Variants in CPQ observed in about 807,000 individuals in gnomAD.
The protein encoded by CPQ is carboxypeptidase Q, also known as Ser-Met dipeptidase.
In CPQ, 37 loss-of-function variants were observed where a neutral mutation model predicts 45.7. That is an observed-to-expected ratio of 0.81 (90% confidence interval 0.62 to 1.07). The LOEUF is 1.07. CPQ is among the 50% of genes least tolerant of loss of function. CPQ has a pLI of 0.00. For synonymous variants in CPQ, 186 were observed against 205.8 expected, an observed-to-expected ratio of 0.90 and a Z score of 0.82; for missense variants, 537 against 572.9, an observed-to-expected ratio of 0.94 and a Z score of 0.64.
chr8:96,850,242 A>G (rs527466153), intron 3 of CPQ, among the ~76,000 whole-genome samples: 1 of 152,296 alleles, frequency 6.6e-6, no homozygotes, highest in Admixed American at 6.5e-5. Context: ...TGAAAAGGTA[A>G]GCTTTCCATG....
chr8:96,665,900 A>G (rs542198793), intron 1 of CPQ, among the ~76,000 whole-genome samples: 1 of 152,320 alleles, frequency 6.6e-6, no homozygotes, highest in East Asian at 1.9e-4. Flanking sequence ...TTATTCAGAT[A>G]TGGTGAGGCC....
At position 96,888,428 on chromosome 8, in the gene CPQ, G is replaced by GA. The variant is rs200887769; in HGVS notation, c.849+8431dup. Reference sequence around the variant, plus strand: ...CTTTATTAAAAAAATACTGAAAGATGAAAAAAAATACTTAAAGATGAAATT... The same window carrying GA: ...CTTTATTAAAAAAATACTGAAAGATGAAAAAAAAATACTTAAAGATGAAATT... On this transcript the variant is annotated intron_variant, in intron 4 of 7. Transcript: ENST00000220763. 2.0e-4 allele frequency among the ~76,000 whole-genome samples: 30 copies of GA among 151,870 alleles called. 1 individual carries two copies. The East Asian group carries it at 3.3e-3, about 17-fold the overall frequency.
At chr8:97,064,881 G>A (rs532862478) in intron 6 of CPQ, among the ~76,000 whole-genome samples, 16 of 152,214 alleles carry the variant, frequency 1.1e-4, no homozygotes, top group African/African-American at 2.9e-4. Flanking sequence ...CAGAGCCAGC[G>A]CTACCATTTG....
In CPQ at chr8:97,088,358, C is replaced by A. The variant is rs1811073402; in HGVS notation, c.1255+22148C>A. Reference sequence around the variant, plus strand: ...TTTTAAACATCTGTGTTCAAGATGACCATTTGGGAAAAGATTCATTGGCTT... The same window carrying A: ...TTTTAAACATCTGTGTTCAAGATGAACATTTGGGAAAAGATTCATTGGCTT... On this transcript the variant is annotated intron_variant, in intron 7 of 7. Transcript: ENST00000220763. Among the ~76,000 whole-genome samples the A allele has an allele frequency of 2.0e-5, 3 of 152,108 alleles. No homozygotes were observed. The South Asian group carries it at 6.2e-4, about 32-fold the overall frequency.
intron 7 of CPQ, among the ~76,000 whole-genome samples, chr8:97,067,269 A>G (rs530751046): frequency 2.0e-5 from 3 of 152,118 alleles, no homozygotes; most frequent in Admixed American, 1.3e-4. Flanking sequence ...CTACTTCACA[A>G]AGTTACCTAA....
intron 3 of CPQ, 48 bp downstream of exon 3, chr8:96,835,228 C>T (rs748718661): frequency 1.3e-5 from 18 of 1,362,622 alleles, no homozygotes; most frequent in Middle Eastern, 5.4e-4. Flanking sequence ...AAGGGTTTTC[C>T]GTGAAGGAAA....
At position 96,914,108 on chromosome 8, in the gene CPQ, A is replaced by G. The variant is rs146400763; in HGVS notation, c.849+34103A>G. On this transcript the variant is annotated intron_variant, in intron 4 of 7. Coordinates refer to ENST00000220763, the MANE Select transcript of CPQ (RefSeq NM_016134.4). ...TGGAGATACTGTCATTTTAAAATTAATCTGAAAAACATTTATTGAGTACTT... is the reference window on the plus strand; with the variant it reads ...TGGAGATACTGTCATTTTAAAATTAGTCTGAAAAACATTTATTGAGTACTT... Among the ~76,000 whole-genome samples the G allele has an allele frequency of 9.7e-4, 147 of 152,290 alleles. 1 individual carries two copies. The highest frequency in any genetic ancestry group is 3.5e-3 in the African/African-American group (144 of 41,550).
intron 3 of CPQ, among the ~76,000 whole-genome samples, chr8:96,855,550 C>T (rs1480458473): frequency 2.0e-5 from 3 of 152,170 alleles, no homozygotes; most frequent in African/African-American, 7.2e-5. Flanking sequence ...ATCACTTCCC[C>T]AGGGAGGCCT....
Position 96,756,249 on chromosome 8 carries a change from C to T in CPQ, c.-34-28615C>T, listed in dbSNP as rs183948689. 2.1e-3 allele frequency among the ~76,000 whole-genome samples: 318 copies of T among 152,094 alleles called. 1 individual carries two copies. Among genetic ancestry groups the T allele is most frequent in the Middle Eastern group, 6.8e-3 (2 of 292 alleles). ...TTTAAAAATACTTAAGCTTCAACTT[C>T]TTGATTCATCAACTTTAAACATTTT... On this transcript the variant is annotated intron_variant, in intron 1 of 7. Coordinates refer to ENST00000220763, the MANE Select transcript of CPQ (RefSeq NM_016134.4).
chr8:96,684,313 G>A (rs1809194726), intron 1 of CPQ, among the ~76,000 whole-genome samples: 1 of 152,220 alleles, frequency 6.6e-6, no homozygotes, highest in African/African-American at 2.4e-5. Flanking sequence ...TAGCATCAGT[G>A]TTTTCTCTGA....
intron 3 of CPQ, among the ~76,000 whole-genome samples, chr8:96,860,614 G>A (rs756046863): frequency 1.4e-4 from 22 of 152,068 alleles, no homozygotes; most frequent in Non-Finnish European, 2.6e-4. Flanking sequence ...TGGTGAACAT[G>A]GGGTGTGCAA....
intron 4 of CPQ, among the ~76,000 whole-genome samples, chr8:96,923,880 C>A (rs1812840222): frequency 6.6e-6 from 1 of 152,190 alleles, no homozygotes; most frequent in African/African-American, 2.4e-5. Context: ...GGGTTTAGTC[C>A]TGCTGGGAAT....
chr8:96,750,714 G>A (rs1350272115), intron 1 of CPQ, among the ~76,000 whole-genome samples: 1 of 151,354 alleles, frequency 6.6e-6, no homozygotes, highest in African/African-American at 2.4e-5. Flanking sequence ...GTGGTTTGCT[G>A]CACAGATCAA....
intron 7 of CPQ, among the ~76,000 whole-genome samples, chr8:97,078,775 C>CTT (rs1810895090): frequency 7.2e-6 from 1 of 138,378 alleles, no homozygotes; most frequent in Non-Finnish European, 1.5e-5. Context: ...CTCTCTCTCT[C>CTT]TCTCTCTCTC....
chr8:96,737,566 G>T (rs1440865921), intron 1 of CPQ, among the ~76,000 whole-genome samples: 1 of 151,794 alleles, frequency 6.6e-6, no homozygotes, highest in East Asian at 1.9e-4. Context: ...ACGTTTTTCT[G>T]CCTGCTTTAT....
In CPQ at chr8:96,863,459, A is replaced by G. The variant is rs113302217; in HGVS notation, c.642-16339A>G. Reference sequence around the variant, plus strand: ...CTGACCCTGGACTAAGTGTCTGCTTATACAGGTGAGGAGGCAATAGAGATA... The same window carrying G: ...CTGACCCTGGACTAAGTGTCTGCTTGTACAGGTGAGGAGGCAATAGAGATA... On this transcript the variant is annotated intron_variant, in intron 3 of 7. Transcript: ENST00000220763. Among the ~76,000 whole-genome samples, 1,191 of 152,134 alleles carry G rather than the reference A, an allele frequency of 7.8e-3. 12 individuals are homozygous for G. Among genetic ancestry groups the G allele is most frequent in the African/African-American group, 0.027 (1,112 of 41,524 alleles).
At chr8:96,816,227 G>C (rs982982689) in intron 2 of CPQ, among the ~76,000 whole-genome samples, 2 of 152,156 alleles carry the variant, frequency 1.3e-5, no homozygotes, top group African/African-American at 4.8e-5. Flanking sequence ...ATCCTTTGTT[G>C]TCATTTCAAC....
rs559942841 is a variant in CPQ at position 96,847,293 on chromosome 8, A to G, written c.641+12113A>G. 2.2e-4 allele frequency among the ~76,000 whole-genome samples: 33 copies of G among 152,346 alleles called. No individual in the cohort carries two copies. The South Asian group carries it at 5.2e-3, about 24-fold the overall frequency. On this transcript the variant is annotated intron_variant, in intron 3 of 7. Transcript: ENST00000220763. ...CCGTTGATGACCCCTGCCTGAATCA[A>G]TCATTGTACTGGAAGTTGCAAATGT...
At chr8:97,105,173 A>G (rs1177719776) in intron 7 of CPQ, among the ~76,000 whole-genome samples, 2 of 152,236 alleles carry the variant, frequency 1.3e-5, no homozygotes, top group African/African-American at 4.8e-5. Flanking sequence ...GGTATCACAC[A>G]GCACATGCTG....
Sources: allele counts gnomAD v4.1 joint callset (sites outside exome capture counted in the v4.1 genomes callset), GRCh38; gene constraint gnomAD v4.1.1; transcripts MANE v1.5; gene names NCBI Gene and HGNC (gene_info 2026-07-23, HGNC 2026-07-21).